SYN3: variants seen among roughly 807,000 people sequenced by gnomAD.
SYN3 encodes synapsin III, also known as synapsin-3.
A neutral mutation model predicts 65.8 loss-of-function variants in SYN3; 35 were observed. The observed-to-expected ratio is 0.53, with a 90% CI of 0.41 to 0.70. The LOEUF is 0.70. SYN3 is among the 30% of genes least tolerant of loss of function. SYN3 has a pLI of 0.00. For missense variants in SYN3, 680 were observed against 749.0 expected (o/e 0.91, Z 1.08); for synonymous variants, 270 against 292.9 (o/e 0.92, Z 0.80).
At chr22:32,520,203 C>CA (rs1440099432) in intron 12 of SYN3, among the ~76,000 whole-genome samples, 1 of 152,096 alleles carries the variant, frequency 6.6e-6, no homozygotes, top group Non-Finnish European at 1.5e-5. Context: ...AGTGCAGTGG[C>CA]ATGGTCACAC....
At chr22:32,896,048 T>C (rs1195185435) in intron 4 of SYN3, among the ~76,000 whole-genome samples, 2 of 152,228 alleles carry the variant, frequency 1.3e-5, no homozygotes, top group Admixed American at 6.5e-5. Flanking sequence ...GAACTAGACA[T>C]AGGTCAAGCC....
At chr22:32,637,405 C>T (rs1466593808) in intron 6 of SYN3, among the ~76,000 whole-genome samples, 2 of 152,122 alleles carry the variant, frequency 1.3e-5, no homozygotes, top group South Asian at 2.1e-4. Context: ...ACACAGTCTG[C>T]GTGGTGGATA....
chr22:32,605,408 T>C (rs1285053646), intron 6 of SYN3, among the ~76,000 whole-genome samples: 2 of 152,158 alleles, frequency 1.3e-5, no homozygotes, highest in South Asian at 2.1e-4. Context: ...TAGACACCTG[T>C]AGAGCAGGCT....
intron 6 of SYN3, among the ~76,000 whole-genome samples, chr22:32,715,851 C>T (rs2061031913): frequency 6.7e-6 from 1 of 149,908 alleles, no homozygotes. Context: ...GAAAGAAGTA[C>T]AGAGGAGACA....
At chr22:32,938,482 A>G (rs567979593) in intron 3 of SYN3, among the ~76,000 whole-genome samples, 86 of 151,688 alleles carry the variant, frequency 5.7e-4, no homozygotes, top group African/African-American at 1.8e-3. Context: ...GTGAGCAGCA[A>G]TCGCGCCACT....
intron 6 of SYN3, among the ~76,000 whole-genome samples, chr22:32,760,868 G>C (rs1180278511): frequency 6.6e-6 from 1 of 152,234 alleles, no homozygotes; most frequent in Admixed American, 6.5e-5. Context: ...AGATGCTTTA[G>C]AAGACTATGA....
intron 7 of SYN3, among the ~76,000 whole-genome samples, chr22:32,550,844 A>G (rs1450101215): frequency 6.6e-6 from 1 of 152,224 alleles, no homozygotes; most frequent in Non-Finnish European, 1.5e-5. Context: ...AGTTCAAAAC[A>G]TCTTATCATG....
intron 6 of SYN3, among the ~76,000 whole-genome samples, chr22:32,636,722 A>C (rs759044059): frequency 3.3e-5 from 5 of 152,202 alleles, no homozygotes; most frequent in African/African-American, 4.8e-5. Flanking sequence ...TGAGAGCCCC[A>C]GAAAGAGAAA....
chr22:32,610,003 C>G (rs1159981006), intron 6 of SYN3, among the ~76,000 whole-genome samples: 2 of 152,092 alleles, frequency 1.3e-5, no homozygotes, highest in Non-Finnish European at 2.9e-5. Flanking sequence ...ACAATTCAGA[C>G]CAGGTGTGGT....
chr22:32,880,261 G>A (rs2049092785), intron 4 of SYN3, among the ~76,000 whole-genome samples: 1 of 152,198 alleles, frequency 6.6e-6, no homozygotes, highest in Non-Finnish European at 1.5e-5. Context: ...ACTTCTCTTG[G>A]GCTGGGTTCC....
In SYN3 at chr22:32,508,417, C is replaced by T. The variant is rs1239723835; in HGVS notation, c.*5275G>A. ...CCTTTGCTGACTCTCTTTTCGGACTCATCCGGCCTGCACCCAGGTGAAATA... is the reference window on the plus strand; with the variant it reads ...CCTTTGCTGACTCTCTTTTCGGACTTATCCGGCCTGCACCCAGGTGAAATA... On this transcript the variant is annotated 3_prime_UTR_variant, in exon 14 of 14. Transcript: ENST00000358763. Among the ~76,000 whole-genome samples the T allele has an allele frequency of 6.6e-6, 1 of 152,174 alleles. No individual in the cohort carries two copies. The highest frequency in any genetic ancestry group is 1.5e-5 in the Non-Finnish European group (1 of 68,042).
Position 32,911,574 on chromosome 22 carries a change from G to A in SYN3, c.461+19816C>T, listed in dbSNP as rs115524152. ...GGGGCAGCAGGAGCATGGAGGCAGC[G>A]CAGGCAGGAAGCAAATGCAAGCCAC... On this transcript the variant is annotated intron_variant, in intron 4 of 13. Coordinates refer to ENST00000358763, the MANE Select transcript of SYN3 (RefSeq NM_003490.4). Among the ~76,000 whole-genome samples the A allele has an allele frequency of 9.3e-3, 1,423 of 152,218 alleles. 23 individuals carry two copies. The highest frequency in any genetic ancestry group is 0.032 in the African/African-American group (1,339 of 41,524).
chr22:32,824,748 CT>C (rs2047352254), intron 6 of SYN3, among the ~76,000 whole-genome samples: 2 of 152,136 alleles, frequency 1.3e-5, no homozygotes, highest in African/African-American at 4.8e-5. Flanking sequence ...CGATGTTGTT[CT>C]TTCGCTTCTG....
At chr22:32,638,719 T>C (rs1166676238) in intron 6 of SYN3, among the ~76,000 whole-genome samples, 2 of 152,230 alleles carry the variant, frequency 1.3e-5, no homozygotes, top group Non-Finnish European at 2.9e-5. Flanking sequence ...TATTAGACCT[T>C]TGTCAGATGC....
chr22:32,583,504 TG>T (rs1447179155), intron 7 of SYN3: 4 of 152,252 alleles, frequency 2.6e-5, no homozygotes, highest in Admixed American at 2.6e-4. Flanking sequence ...CCAAAAGGCC[TG>T]GCAGAACTCT....
At chr22:32,670,396 A>G (rs1601880695) in intron 6 of SYN3, among the ~76,000 whole-genome samples, 2 of 152,156 alleles carry the variant, frequency 1.3e-5, no homozygotes, top group East Asian at 1.9e-4. Context: ...TATAGGGGGG[A>G]AAAGATCCTG....
intron 1 of SYN3, among the ~76,000 whole-genome samples, chr22:33,017,760 GTT>G (rs133958): frequency 1.4e-4 from 21 of 146,166 alleles, no homozygotes; most frequent in East Asian, 7.9e-4. Context: ...GTTCTAACAG[GTT>G]TTTTTTTTTT....
chr22:32,722,660 G>A (rs2061136436), intron 6 of SYN3, among the ~76,000 whole-genome samples: 1 of 152,220 alleles, frequency 6.6e-6, no homozygotes, highest in African/African-American at 2.4e-5. Flanking sequence ...ATGCCTCACA[G>A]GGGTGGGGAG....
chr22:32,942,234 C>A (rs1377791457), intron 3 of SYN3, among the ~76,000 whole-genome samples: 1 of 152,208 alleles, frequency 6.6e-6, no homozygotes, highest in Admixed American at 6.5e-5. Flanking sequence ...GCCAGGTACC[C>A]CTCTGAGACA....
Sources: allele counts gnomAD v4.1 joint callset (sites outside exome capture counted in the v4.1 genomes callset), GRCh38; gene constraint gnomAD v4.1.1; transcripts MANE v1.5; gene names NCBI Gene and HGNC (gene_info 2026-07-23, HGNC 2026-07-21).